The following SYT17 variants were observed in gnomAD, a reference collection of about 807,000 sequenced individuals.
The protein encoded by SYT17 is synaptotagmin-17.
In SYT17, 22 loss-of-function variants were observed where a neutral mutation model predicts 46.7. That is an observed-to-expected ratio of 0.47 (90% CI 0.34 to 0.67). SYT17 has a LOEUF of 0.67. SYT17 is among the 30% of genes least tolerant of loss of function. The pLI is 0.01. For synonymous variants in SYT17, 251 were observed against 248.4 expected (o/e 1.01, Z -0.10); for missense variants, 519 against 612.8 (o/e 0.85, Z 1.62).
rs199578890 is a variant in SYT17 at position 19,221,207 on chromosome 16, AAG to A, written c.952-1826_952-1825del. Among the ~76,000 whole-genome samples, 17 of 147,208 alleles carry A rather than the reference AAG, an allele frequency of 1.2e-4. No homozygotes were observed. In the East Asian group the frequency reaches 1.2e-3, roughly 10 times the overall value. ...GTCTCAAAAAAAAAAAAAAAAAAAA[AAG>A]AGAGAGAGAGAATGAGGAATCTGAC... On this transcript the variant is annotated intron_variant, in intron 5 of 7. Coordinates refer to ENST00000355377, the MANE Select transcript of SYT17 (RefSeq NM_016524.4).
chr16:19,211,814 G>A (rs928261102), intron 5 of SYT17, among the ~76,000 whole-genome samples: 1 of 151,930 alleles, frequency 6.6e-6, no homozygotes, highest in Non-Finnish European at 1.5e-5. Flanking sequence ...TTTTAGTAGA[G>A]ACTCGGTTTC....
intron 7 of SYT17, among the ~76,000 whole-genome samples, chr16:19,248,071 G>C (rs1446767526): frequency 2.6e-5 from 4 of 152,112 alleles, no homozygotes; most frequent in Non-Finnish European, 4.4e-5. Context: ...CTTTGAAAAG[G>C]CACACCGCAC....
chr16:19,260,519 AAAAAAAAAAGG>A (rs1968899994), intron 7 of SYT17, among the ~76,000 whole-genome samples: 1 of 147,330 alleles, frequency 6.8e-6, no homozygotes, highest in Non-Finnish European at 1.5e-5. Flanking sequence ...AAAAAAAAAA[AAAAAAAAAAGG>A]AAAGAAAAAA....
chr16:19,168,317 C>T lies in SYT17; in HGVS notation c.-330C>T. 1 of 397,396 alleles carries T rather than the reference C, an allele frequency of 2.5e-6. No homozygotes were observed. The highest frequency in any genetic ancestry group is 4.5e-6 in the Non-Finnish European group (1 of 222,504). The allele number at this position is 397,396 out of a possible 1,614,324, so 24.6% of individuals were successfully genotyped here. A position where few individuals can be genotyped will look rare whatever the true frequency, so the allele number is the denominator to read the frequency against. ...CCCGCAGCTGCCCCGGGCTGCTTGC[C>T]CAGGCGCCCCGGCCTTATTCCAGCC... On this transcript the variant is annotated 5_prime_UTR_variant, in exon 1 of 8. Coordinates refer to ENST00000355377, the MANE Select transcript of SYT17 (RefSeq NM_016524.4). The surrounding 1 kb of genome is among the most constrained non-coding windows in gnomAD (Gnocchi z 6.9).
chr16:19,181,348 C>G (rs1444400926), intron 4 of SYT17, among the ~76,000 whole-genome samples: 1 of 152,016 alleles, frequency 6.6e-6, no homozygotes, highest in Non-Finnish European at 1.5e-5. Flanking sequence ...TATCTCTGCT[C>G]TGTGTGAACC....
At chr16:19,171,636 A>G (rs2142500301) in intron 1 of SYT17, 1 of 152,240 alleles carries the variant, frequency 6.6e-6, no homozygotes, top group African/African-American at 2.4e-5. Flanking sequence ...TACCTATGCT[A>G]TTATTAACTT....
chr16:19,245,011 A>T (rs1194534901), intron 7 of SYT17, among the ~76,000 whole-genome samples: 1 of 152,326 alleles, frequency 6.6e-6, no homozygotes, highest in East Asian at 1.9e-4. Flanking sequence ...TAGAAGAGCC[A>T]GTCCATGCCT....
intron 5 of SYT17, among the ~76,000 whole-genome samples, chr16:19,219,982 A>C (rs934395584): frequency 1.3e-5 from 2 of 152,184 alleles, no homozygotes; most frequent in Non-Finnish European, 2.9e-5. Flanking sequence ...CATTGCTCAT[A>C]CTAGAGTAGA....
rs555676882 is a variant in SYT17 at position 19,204,653 on chromosome 16, C to T, written c.952-18392C>T. On this transcript the variant is annotated intron_variant, in intron 5 of 7. Transcript: ENST00000355377. ...TCATCTGATGCCGTGGCTTGAAACA[C>T]CTGTGTTATCAGTATTTCCGGGGCA... is the stretch of plus-strand genomic sequence containing the variant. Among the ~76,000 whole-genome samples the T allele has an allele frequency of 2.0e-5, 3 of 152,210 alleles. No individual in the cohort carries two copies. The South Asian group carries it at 6.2e-4, about 32-fold the overall frequency.
At chr16:19,208,975 C>A (rs1425696614) in intron 5 of SYT17, among the ~76,000 whole-genome samples, 1 of 133,872 alleles carries the variant, frequency 7.5e-6, no homozygotes, top group Non-Finnish European at 1.5e-5. Flanking sequence ...TCACTGCAAT[C>A]TCTGCCTTTC....
At chr16:19,238,209 C>G (rs1410066596) in intron 7 of SYT17, among the ~76,000 whole-genome samples, 1 of 152,178 alleles carries the variant, frequency 6.6e-6, no homozygotes, top group Non-Finnish European at 1.5e-5. Flanking sequence ...CTATCTTGGC[C>G]AAGTTACTTA....
At chr16:19,266,812 C>T in intron 7 of SYT17, 68 bp from the exon 8 acceptor site, 1 of 1,450,116 alleles carries the variant, frequency 6.9e-7, no homozygotes, top group Non-Finnish European at 9.4e-7. Flanking sequence ...TGTCTTCTCC[C>T]TGCCTTCCTG....
chr16:19,181,992 T>A, intron 4 of SYT17, among the ~76,000 whole-genome samples: 1 of 127,900 alleles, frequency 7.8e-6, no homozygotes. Flanking sequence ...AAAATGAAAC[T>A]CTGTCTCAAA....
chr16:19,183,424 C>T lies in SYT17; in HGVS notation c.332-104C>T, dbSNP rs150662093. 76 of 1,459,296 alleles carry T rather than the reference C, an allele frequency of 5.2e-5. No homozygotes were observed. In the Middle Eastern group the frequency reaches 8.5e-4, roughly 16 times the overall value. The allele number at this position is 1,459,296 out of a possible 1,614,324, so 90.4% of individuals were successfully genotyped here. On this transcript the variant is annotated intron_variant, in intron 4 of 7. Transcript: ENST00000355377. The surrounding 1 kb of genome is among the most constrained non-coding windows in gnomAD (Gnocchi z 5.6). ...GAGTGTGGAGAAAGATGGCAAAGGTCATTCTGAAGCAGAGTAAACAATGCA... is the reference window on the plus strand; with the variant it reads ...GAGTGTGGAGAAAGATGGCAAAGGTTATTCTGAAGCAGAGTAAACAATGCA...
intron 1 of SYT17, among the ~76,000 whole-genome samples, chr16:19,169,066 T>C (rs769881568): frequency 1.3e-5 from 2 of 151,760 alleles, no homozygotes; most frequent in Non-Finnish European, 2.9e-5. Flanking sequence ...CTCCGGCTAA[T>C]TGGCCGGCGG....
chr16:19,203,336 C>CCA (rs535444023), intron 5 of SYT17, among the ~76,000 whole-genome samples: 1 of 145,646 alleles, frequency 6.9e-6, no homozygotes, highest in Non-Finnish European at 1.5e-5. Context: ...ACTAACAATA[C>CCA]AAAAAAAAAA....
chr16:19,244,218 A>G (rs756382701), intron 7 of SYT17, among the ~76,000 whole-genome samples: 3 of 152,198 alleles, frequency 2.0e-5, no homozygotes, highest in Non-Finnish European at 2.9e-5. Flanking sequence ...CAGAGATCTC[A>G]TATGACTCAC....
Position 19,223,070 on chromosome 16 carries a change from T to G in SYT17, c.977T>G (p.Leu326Arg). The stretch of plus-strand genomic sequence containing the variant: ...AATGAAGTGGAGCTGGGGGAGCTGC[T>G]TCTGTCACTGAATTATCTCCCAAGT... ...SQNEVELGEL[L>R]LSLNYLPSAG... Residue 326 changes from leucine (L) to arginine (R), a missense_variant, in exon 6 of 8, where the codon CTT (leucine) becomes CGT (arginine). Coordinates refer to ENST00000355377, the MANE Select transcript of SYT17 (RefSeq NM_016524.4). 1 of 1,614,098 alleles carries G rather than the reference T, an allele frequency of 6.2e-7. No homozygotes were observed. The highest frequency in any genetic ancestry group is 8.5e-7 in the Non-Finnish European group (1 of 1,179,978).
At chr16:19,246,951 G>T (rs184466032) in intron 7 of SYT17, among the ~76,000 whole-genome samples, 1 of 152,278 alleles carries the variant, frequency 6.6e-6, no homozygotes, top group Non-Finnish European at 1.5e-5. Context: ...GAATCCAAAT[G>T]AGAAAACGGA....
Sources: allele counts gnomAD v4.1 joint callset (sites outside exome capture counted in the v4.1 genomes callset), GRCh38; gene constraint gnomAD v4.1.1; non-coding constraint Gnocchi (gnomAD v3.1); transcripts MANE v1.5; gene names NCBI Gene and HGNC (gene_info 2026-07-23, HGNC 2026-07-21).